Variants in EIPR1 observed in about 807,000 individuals in gnomAD.
The protein encoded by EIPR1 is EARP and GARP complex-interacting protein 1.
In EIPR1, 25 loss-of-function variants were observed where a neutral mutation model predicts 48.1. That is an observed-to-expected ratio of 0.52 (90% CI 0.38 to 0.73). The LOEUF (loss-of-function observed/expected upper bound fraction) is 0.73, where lower values mean the gene tolerates loss of function less well. Ranked by LOEUF, EIPR1 falls within the 30% of genes least tolerant of loss-of-function variation. The probability of loss-of-function intolerance (pLI) is 0.00; values close to 1 mark genes in which losing one functional copy is unlikely to be tolerated. For synonymous variants in EIPR1, 204 were observed against 201.9 expected (o/e 1.01, Z -0.09); for missense variants, 415 against 506.2 (o/e 0.82, Z 1.73).
At chr2:3,338,527 G>A (rs749027857) in intron 2 of EIPR1, among the ~76,000 whole-genome samples, 2 of 152,188 alleles carry the variant, frequency 1.3e-5, no homozygotes, top group Admixed American at 6.5e-5. Flanking sequence ...CCAGCCTGCT[G>A]CACAGCTGCT....
intron 8 of EIPR1, among the ~76,000 whole-genome samples, chr2:3,191,002 G>A (rs540121125): frequency 1.4e-4 from 21 of 152,358 alleles, no homozygotes; most frequent in East Asian, 9.7e-4. Flanking sequence ...GCTGAGGTGA[G>A]AGGATCACCT....
rs190012727 is a variant in EIPR1, at chr2:3,367,536, C to T, written c.42+10112G>A. On this transcript the variant is annotated intron_variant, in intron 1 of 8. Coordinates refer to ENST00000382125, the MANE Select transcript of EIPR1 (RefSeq NM_003310.5). ...AGCATAGCAGTGAAACAAAACTCAA[C>T]GAAGAAAATACACAGATATTAACGT... Among the ~76,000 whole-genome samples the T allele has an allele frequency of 3.5e-4, 54 of 152,254 alleles. No homozygotes were observed. In the East Asian group the frequency reaches 5.4e-3, roughly 15 times the overall value.
chr2:3,274,344 G>A, intron 3 of EIPR1: 1 of 1,550,500 alleles, frequency 6.4e-7, no homozygotes, highest in African/African-American at 1.4e-5. Flanking sequence ...CTTACAGGTT[G>A]CCAGTGCTAT....
chr2:3,310,652 CAA>C (rs751422009), intron 3 of EIPR1, among the ~76,000 whole-genome samples: 1,698 of 55,098 alleles, frequency 0.031, 6 homozygotes, highest in South Asian at 0.098. Flanking sequence ...GACTCCGTCT[CAA>C]AAAAAAAAAA....
chr2:3,244,785 C>T lies in EIPR1; in HGVS notation c.416+12514G>A, dbSNP rs535762517. 4.6e-5 allele frequency among the ~76,000 whole-genome samples: 7 copies of T among 152,348 alleles called. No individual in the cohort carries two copies. The South Asian group carries it at 1.2e-3, about 27-fold the overall frequency. On this transcript the variant is annotated intron_variant, in intron 4 of 8. Transcript: ENST00000382125. ...AAGCTACCTGGTTTATGGGATTGTG[C>T]TAAAGCAGCCCAAATGGACTAAGGC...
chr2:3,289,897 G>A (rs1668315259), intron 3 of EIPR1, among the ~76,000 whole-genome samples: 2 of 152,214 alleles, frequency 1.3e-5, no homozygotes, highest in East Asian at 1.9e-4. Context: ...CTCTCATCAC[G>A]ACCACTACAC....
At chr2:3,360,232 C>A (rs1465509824) in intron 1 of EIPR1, among the ~76,000 whole-genome samples, 1 of 151,996 alleles carries the variant, frequency 6.6e-6, no homozygotes, top group East Asian at 1.9e-4. Flanking sequence ...GGTGAAAACC[C>A]ATCTCTACTA....
At chr2:3,332,531 G>A (rs1045121820) in intron 3 of EIPR1, among the ~76,000 whole-genome samples, 7 of 152,200 alleles carry the variant, frequency 4.6e-5, no homozygotes, top group African/African-American at 9.6e-5. Flanking sequence ...AGGCCAGCCT[G>A]CCACCTGCCA....
intron 4 of EIPR1, among the ~76,000 whole-genome samples, chr2:3,228,632 C>T (rs1666139907): frequency 6.6e-6 from 1 of 152,056 alleles, no homozygotes; most frequent in Admixed American, 6.5e-5. Flanking sequence ...TTGGCTGTGT[C>T]CCCACCCAAA....
At chr2:3,376,248 G>C (rs950070886) in intron 1 of EIPR1, among the ~76,000 whole-genome samples, 1 of 152,156 alleles carries the variant, frequency 6.6e-6, no homozygotes, top group Non-Finnish European at 1.5e-5. Context: ...CATGAGGTGG[G>C]GGGGAGGGAG....
intron 1 of EIPR1, among the ~76,000 whole-genome samples, chr2:3,356,571 T>A (rs1333102526): frequency 6.6e-6 from 1 of 152,192 alleles, no homozygotes; most frequent in Non-Finnish European, 1.5e-5. Flanking sequence ...AGCATAATAA[T>A]GGCCCTCCAT....
At chr2:3,294,969 C>T (rs1369057394) in intron 3 of EIPR1, among the ~76,000 whole-genome samples, 7 of 96,092 alleles carry the variant, frequency 7.3e-5, no homozygotes, top group African/African-American at 2.9e-4. Flanking sequence ...CACCCTCCAT[C>T]CAGCCCATCC....
At chr2:3,322,469 C>T (rs562473428) in intron 3 of EIPR1, among the ~76,000 whole-genome samples, 1 of 152,350 alleles carries the variant, frequency 6.6e-6, no homozygotes, top group East Asian at 1.9e-4. Flanking sequence ...GTTAAGTTTC[C>T]TTTCTTGCAG....
At chr2:3,323,459 T>C (rs1167865969) in intron 3 of EIPR1, among the ~76,000 whole-genome samples, 2 of 152,000 alleles carry the variant, frequency 1.3e-5, no homozygotes, top group Non-Finnish European at 1.5e-5. Context: ...GGGTAAAGAG[T>C]TCCTTAAGTT....
intron 4 of EIPR1, among the ~76,000 whole-genome samples, chr2:3,249,187 T>C (rs1396474181): frequency 2.6e-5 from 4 of 152,160 alleles, no homozygotes; most frequent in Non-Finnish European, 5.9e-5. Context: ...TAGAGACTTA[T>C]TGAGTGATTG....
rs781335074 is a variant in EIPR1 at position 3,208,750 on chromosome 2, A to C, written c.516+5399T>G. 42 of 1,548,158 alleles carry C rather than the reference A, an allele frequency of 2.7e-5. No individual in the cohort carries two copies. The East Asian group carries it at 3.4e-4, about 13-fold the overall frequency. On this transcript the variant is annotated intron_variant, in intron 5 of 8. Transcript: ENST00000382125. ...GAGGCTCGTGGCGGGTCCTTCTGTG[A>C]GTGAGGCCCGTGGCGAGTCCTTCTT...
At chr2:3,292,858 G>GAAAA (rs57175137) in intron 3 of EIPR1, among the ~76,000 whole-genome samples, 30 of 120,726 alleles carry the variant, frequency 2.5e-4, no homozygotes, top group African/African-American at 8.4e-4. Flanking sequence ...AAAATGTTTT[G>GAAAA]AAAAAAAAAA....
chr2:3,336,737 C>T (rs745557206), intron 3 of EIPR1, among the ~76,000 whole-genome samples: 4 of 148,848 alleles, frequency 2.7e-5, no homozygotes, highest in Non-Finnish European at 6.0e-5. Flanking sequence ...CACTGCACTC[C>T]AGCCTGGGCG....
At chr2:3,376,481 A>G (rs192737157) in intron 1 of EIPR1, among the ~76,000 whole-genome samples, 1 of 152,330 alleles carries the variant, frequency 6.6e-6, no homozygotes, top group East Asian at 1.9e-4. Flanking sequence ...TCACAAGGTC[A>G]GGAGTTCAAA....
Sources: gnomAD v4.1 joint callset for allele counts (sites outside exome capture counted in the v4.1 genomes callset) on GRCh38, gnomAD v4.1.1 for gene constraint, MANE v1.5 for transcripts, NCBI Gene and HGNC (gene_info 2026-07-23, HGNC 2026-07-21) for gene names.